Variants in LIPA observed in about 807,000 individuals in gnomAD.
LIPA encodes the protein lipase A, lysosomal acid type.
A neutral mutation model predicts 40.6 loss-of-function variants in LIPA; 26 were observed. The ratio of observed to expected loss-of-function variants is 0.64; its 90% confidence interval spans 0.47 to 0.89. LIPA has a LOEUF of 0.89. Ranked by LOEUF, LIPA falls within the 40% of genes least tolerant of loss-of-function variation. The pLI is 0.00. For missense variants in LIPA, 455 were observed against 479.6 expected (o/e 0.95, Z 0.48); for synonymous variants, 188 against 168.4 (o/e 1.12, Z -0.90).
chr10:89,329,607 ACTG>A (rs1457950516), intron 1 of LIPA, among the ~76,000 whole-genome samples: 40 of 152,182 alleles, frequency 2.6e-4, no homozygotes, highest in African/African-American at 8.7e-4. Context: ...TGGAGAACTC[ACTG>A]GCACGTGCCA....
chr10:89,338,154 C>A (rs1242956281), intron 1 of LIPA: 1 of 154,492 alleles, frequency 6.5e-6, no homozygotes, highest in Non-Finnish European at 1.4e-5. Context: ...AGTCAAGGAA[C>A]ATCTATATAT....
intron 2 of LIPA, among the ~76,000 whole-genome samples, chr10:89,373,421 C>G (rs1844104249): frequency 6.6e-6 from 1 of 151,240 alleles, no homozygotes; most frequent in Non-Finnish European, 1.5e-5. Context: ...GCCATCAAGA[C>G]CCCTGAGGTG....
At chr10:89,253,934 C>A (rs1453543458), upstream of LIPA, among the ~76,000 whole-genome samples, 2 of 152,256 alleles carry the variant, frequency 1.3e-5, no homozygotes, top group Non-Finnish European at 2.9e-5. Flanking sequence ...ACATCCAGGT[C>A]ACACTGATGC....
intron 2 of LIPA, among the ~76,000 whole-genome samples, chr10:89,368,151 C>T (rs1844072185): frequency 6.6e-6 from 1 of 152,158 alleles, no homozygotes; most frequent in Non-Finnish European, 1.5e-5. Context: ...CATTGGGCTG[C>T]ATATGAGTGC....
chr10:89,402,759 G>T (rs149964072), intron 2 of LIPA: 3 of 1,614,220 alleles, frequency 1.9e-6, no homozygotes, highest in Non-Finnish European at 2.5e-6. Context: ...ACGGGCCAAG[G>T]CCTGCTTTGA....
At chr10:89,403,294 A>T (rs1465504571) in intron 2 of LIPA, 1 of 1,614,166 alleles carries the variant, frequency 6.2e-7, no homozygotes, top group East Asian at 2.2e-5. Context: ...CCCACATTTG[A>T]GGTGGCTCAT....
At chr10:89,302,925 A>G (rs1270745861) in intron 1 of LIPA, among the ~76,000 whole-genome samples, 1 of 150,954 alleles carries the variant, frequency 6.6e-6, no homozygotes, top group Non-Finnish European at 1.5e-5. Flanking sequence ...CCTATGAGAC[A>G]CCTTGCCCTC....
intron 1 of LIPA, among the ~76,000 whole-genome samples, chr10:89,261,343 AAAAATGC>A (rs1429283302): frequency 6.6e-6 from 1 of 152,174 alleles, no homozygotes; most frequent in African/African-American, 2.4e-5. Context: ...CATGTCTACT[AAAAATGC>A]AAAAATTAGC....
chr10:89,281,244 G>A (rs562659659), intron 1 of LIPA, among the ~76,000 whole-genome samples: 1 of 152,108 alleles, frequency 6.6e-6, no homozygotes, highest in Admixed American at 6.5e-5. Flanking sequence ...GAATCCTGCT[G>A]AGCCACTTTA....
chr10:89,390,178 G>T (rs1463873646), intron 2 of LIPA, among the ~76,000 whole-genome samples: 1 of 151,920 alleles, frequency 6.6e-6, no homozygotes, highest in Non-Finnish European at 1.5e-5. Context: ...TAGAGACGGG[G>T]TTTCTCCATG....
intron 2 of LIPA, among the ~76,000 whole-genome samples, chr10:89,392,324 G>A (rs1844264045): frequency 6.6e-6 from 1 of 152,134 alleles, no homozygotes; most frequent in Non-Finnish European, 1.5e-5. Context: ...TGCCACAATA[G>A]GCAGCAATGG....
At chr10:89,403,403 A>G in intron 2 of LIPA, 1 of 1,613,796 alleles carries the variant, frequency 6.2e-7, no homozygotes, top group Non-Finnish European at 8.5e-7. Flanking sequence ...TAGAAGAAAC[A>G]ATGCAAGACA....
chr10:89,372,803 C>A (rs775277597), intron 2 of LIPA, among the ~76,000 whole-genome samples: 8 of 152,232 alleles, frequency 5.3e-5, no homozygotes, highest in Non-Finnish European at 1.2e-4. Flanking sequence ...AACATCTTCA[C>A]CTCTTCTCAT....
chr10:89,308,732 T>C (rs1476367620), intron 1 of LIPA: 3 of 152,210 alleles, frequency 2.0e-5, no homozygotes, highest in Non-Finnish European at 4.4e-5. Flanking sequence ...TATTTTATTG[T>C]GCAATTAAAA....
rs1306274403 is a variant in LIPA, at chr10:89,318,704, C to T, written c.-2+23907G>A. Among the ~76,000 whole-genome samples, 3 of 152,186 alleles carry T rather than the reference C, an allele frequency of 2.0e-5. No individual in the cohort carries two copies. The East Asian group carries it at 5.8e-4, about 29-fold the overall frequency. ...CCAGGAGTTGAACTCAGCTCTGCAC[C>T]AAGCAGACCTAATAGACATCTACAG... On this transcript the variant is annotated intron_variant, in intron 1 of 5. Coordinates refer to the LIPA transcript ENST00000282673.
At chr10:89,383,897 C>T (rs1432394819) in intron 2 of LIPA, 1 of 1,614,040 alleles carries the variant, frequency 6.2e-7, no homozygotes, top group Non-Finnish European at 8.5e-7. Context: ...AACACAGCAT[C>T]AGGGAGGAAT....
chr10:89,233,478 G>T (rs1415785720), intron 3 of LIPA, among the ~76,000 whole-genome samples: 1 of 152,218 alleles, frequency 6.6e-6, no homozygotes, highest in Non-Finnish European at 1.5e-5. Flanking sequence ...CAGTGCACTA[G>T]AAGGTAAAAT....
intron 1 of LIPA, among the ~76,000 whole-genome samples, chr10:89,269,519 C>A (rs1012043194): frequency 6.6e-6 from 1 of 151,958 alleles, no homozygotes; most frequent in Non-Finnish European, 1.5e-5. Flanking sequence ...AAGGCTTCAA[C>A]ATATTCGACA....
At chr10:89,217,633 C>T (rs959652654) in intron 8 of LIPA, among the ~76,000 whole-genome samples, 4 of 152,298 alleles carry the variant, frequency 2.6e-5, no homozygotes, top group Non-Finnish European at 5.9e-5. Flanking sequence ...TCAAGCTATC[C>T]ACTTGAAAGG....
Sources: gnomAD v4.1 joint callset for allele counts (sites outside exome capture counted in the v4.1 genomes callset) on GRCh38, gnomAD v4.1.1 for gene constraint, MANE v1.5 for transcripts, NCBI Gene and HGNC (gene_info 2026-07-23, HGNC 2026-07-21) for gene names.